The following ZBTB38 variants were observed in gnomAD, a reference collection of about 807,000 sequenced individuals.
The protein encoded by ZBTB38 is zinc finger and BTB domain-containing protein 38.
A neutral mutation model predicts 76.8 loss-of-function variants in ZBTB38; 20 were observed. That is an observed-to-expected ratio of 0.26 (90% confidence interval 0.18 to 0.38). ZBTB38 has a LOEUF of 0.38. Ranked by LOEUF, ZBTB38 falls within the 10% of genes least tolerant of loss-of-function variation. The pLI, the probability that ZBTB38 is intolerant of heterozygous loss-of-function variation, is 1.00. For missense variants in ZBTB38, 1,082 were observed against 1,482.3 expected (o/e 0.73, Z 4.43); for synonymous variants, 504 against 544.2 (o/e 0.93, Z 1.03).
chr3:141,369,024 A>G (rs1321423373), intron 1 of ZBTB38, among the ~76,000 whole-genome samples: 1 of 150,084 alleles, frequency 6.7e-6, no homozygotes, highest in South Asian at 2.1e-4. Flanking sequence ...CAATACTAAG[A>G]CGGAAACCCT....
At chr3:141,361,942 C>T (rs898554565) in intron 1 of ZBTB38, among the ~76,000 whole-genome samples, 55 of 152,086 alleles carry the variant, frequency 3.6e-4, no homozygotes, top group African/African-American at 1.3e-3. Flanking sequence ...AACCCTGAAC[C>T]ACAATAGAAA....
rs1467030780 is a variant in ZBTB38, at chr3:141,345,667, T to G, written c.-739+21211T>G. 2.0e-5 allele frequency among the ~76,000 whole-genome samples: 3 copies of G among 151,984 alleles called. No individual in the cohort carries two copies. The South Asian group carries it at 6.2e-4, about 32-fold the overall frequency. On this transcript the variant is annotated intron_variant, in intron 1 of 7. Transcript: ENST00000509842. The stretch of plus-strand genomic sequence containing the variant: ...AGCTTCCCTGTGTTGGCATATTACT[T>G]CTCCCTGAGCTCAGAAAGGCTGCTT...
chr3:141,410,207 G>A (rs995293896), intron 5 of ZBTB38, among the ~76,000 whole-genome samples: 9 of 152,144 alleles, frequency 5.9e-5, no homozygotes, highest in South Asian at 2.1e-4. Flanking sequence ...TAGATATGCC[G>A]ATATTAGCCA....
intron 1 of ZBTB38, among the ~76,000 whole-genome samples, chr3:141,369,238 G>C (rs1261984368): frequency 6.6e-6 from 1 of 152,092 alleles, no homozygotes; most frequent in Non-Finnish European, 1.5e-5. Flanking sequence ...GCCATCAAAT[G>C]GTATTTTCAC....
intron 1 of ZBTB38, among the ~76,000 whole-genome samples, chr3:141,356,069 TTG>T (rs1450584396): frequency 2.0e-5 from 3 of 151,760 alleles, no homozygotes; most frequent in Admixed American, 2.0e-4. Context: ...AGGTGTGTGT[TTG>T]TGTGTGTGTG....
intron 2 of ZBTB38, among the ~76,000 whole-genome samples, chr3:141,370,457 TAGC>T (rs1305339206): frequency 3.3e-5 from 5 of 152,244 alleles, no homozygotes; most frequent in Non-Finnish European, 7.3e-5. Context: ...AGCAGCCACT[TAGC>T]AGTGACAGCT....
chr3:141,370,663 C>T (rs1049856113), intron 2 of ZBTB38, among the ~76,000 whole-genome samples: 2 of 152,266 alleles, frequency 1.3e-5, no homozygotes, highest in Non-Finnish European at 2.9e-5. Flanking sequence ...GATTTCTCAA[C>T]ACCTCTGTCC....
intron 1 of ZBTB38, among the ~76,000 whole-genome samples, chr3:141,355,437 G>A (rs1251382159): frequency 6.6e-6 from 1 of 152,020 alleles, no homozygotes; most frequent in Non-Finnish European, 1.5e-5. Context: ...TGGTTGTCGT[G>A]GTAACCGCTA....
chr3:141,393,773 AG>A (rs111528996), intron 4 of ZBTB38, among the ~76,000 whole-genome samples: 6,212 of 152,128 alleles, frequency 0.041, 419 homozygotes, highest in African/African-American at 0.14. Flanking sequence ...GAAAGTGGGA[AG>A]GGGTTGCAAC....
intron 1 of ZBTB38, among the ~76,000 whole-genome samples, chr3:141,332,922 G>T (rs1942894456): frequency 6.6e-6 from 1 of 152,206 alleles, no homozygotes; most frequent in African/African-American, 2.4e-5. Context: ...ATCAGAAAAG[G>T]AAGGATACAG....
intron 1 of ZBTB38, among the ~76,000 whole-genome samples, chr3:141,360,441 G>T (rs1943787456): frequency 6.6e-6 from 1 of 152,198 alleles, no homozygotes; most frequent in Non-Finnish European, 1.5e-5. Flanking sequence ...TTCTAATACA[G>T]TTCGGCCTAA....
At chr3:141,407,547 A>G (rs1279820747) in intron 5 of ZBTB38, among the ~76,000 whole-genome samples, 1 of 152,216 alleles carries the variant, frequency 6.6e-6, no homozygotes, top group African/African-American at 2.4e-5. Flanking sequence ...ACTCATTTTA[A>G]TTTTTAATTT....
intron 1 of ZBTB38, among the ~76,000 whole-genome samples, chr3:141,326,446 A>G (rs965494365): frequency 6.6e-6 from 1 of 152,180 alleles, no homozygotes; most frequent in Non-Finnish European, 1.5e-5. Context: ...TGGCCACTGG[A>G]GGGAACAAAA....
At position 141,445,176 on chromosome 3, in the gene ZBTB38, C is replaced by G. The variant is rs761566704; in HGVS notation, c.2788C>G (p.Gln930Glu). 9 of 1,613,968 alleles carry G rather than the reference C, an allele frequency of 5.6e-6. No individual in the cohort carries two copies. Among genetic ancestry groups the G allele is most frequent in the Non-Finnish European group, 7.6e-6 (9 of 1,179,978 alleles). Residue 930 changes from glutamine (Q) to glutamate (E), a missense_variant, in exon 6 of 6, where the codon CAG (glutamine) becomes GAG (glutamate). Coordinates refer to ENST00000321464, the MANE Select transcript of ZBTB38 (RefSeq NM_001376113.1). This position sits in a 1 kb window ranked among gnomAD's most constrained non-coding sequence, Gnocchi z 6.5. ...CTACAAACCCAAAAAGAAATCCAGACAGTTGAAAAAAATGAGGAAAGTCAA... is the reference window on the plus strand; with the variant it reads ...CTACAAACCCAAAAAGAAATCCAGAGAGTTGAAAAAAATGAGGAAAGTCAA... ...YNYKPKKKSR[Q>E]LKKMRKVNWR...
chr3:141,355,422 C>T (rs1019447030), intron 1 of ZBTB38, among the ~76,000 whole-genome samples: 9 of 152,016 alleles, frequency 5.9e-5, no homozygotes, highest in South Asian at 2.1e-4. Flanking sequence ...ATTCATAGAC[C>T]GTGGTGGTTG....
chr3:141,340,946 G>GAAAAGAA (rs1185608672), intron 1 of ZBTB38, among the ~76,000 whole-genome samples: 4 of 42,972 alleles, frequency 9.3e-5, no homozygotes, highest in Non-Finnish European at 1.6e-4. Flanking sequence ...AGAAAAGAAA[G>GAAAAGAA]AAGGAAAGAA....
chr3:141,401,925 T>C (rs1952118879), intron 4 of ZBTB38, among the ~76,000 whole-genome samples: 1 of 152,248 alleles, frequency 6.6e-6, no homozygotes, highest in Non-Finnish European at 1.5e-5. Flanking sequence ...TGACTCCTTA[T>C]TCCTGAGAAT....
At chr3:141,356,609 G>C (rs1943671495) in intron 1 of ZBTB38, among the ~76,000 whole-genome samples, 1 of 151,988 alleles carries the variant, frequency 6.6e-6, no homozygotes. Flanking sequence ...GGAAGCCAGG[G>C]ATGGGGAAAC....
At chr3:141,399,127 C>CTT (rs34466132) in intron 4 of ZBTB38, among the ~76,000 whole-genome samples, 6,023 of 145,172 alleles carry the variant, frequency 0.041, 135 homozygotes, top group African/African-American at 0.054. Flanking sequence ...ATTTATATTC[C>CTT]TTTTTTTTTT....
Sources: allele counts gnomAD v4.1 joint callset (sites outside exome capture counted in the v4.1 genomes callset), GRCh38; gene constraint gnomAD v4.1.1; non-coding constraint Gnocchi (gnomAD v3.1); transcripts MANE v1.5; gene names NCBI Gene and HGNC (gene_info 2026-07-23, HGNC 2026-07-21).